The following ERP27 variants were observed in gnomAD, a reference collection of about 807,000 sequenced individuals.
The protein encoded by ERP27 is endoplasmic reticulum resident protein 27.
In ERP27, 23 loss-of-function variants were observed where a neutral mutation model predicts 27.7. That is an observed-to-expected ratio of 0.83 (90% CI 0.60 to 1.18). The LOEUF is 1.18. Among genes scored for constraint, ERP27 ranks in the 50% most tolerant of loss-of-function variants. ERP27 has a pLI of 0.00. For synonymous variants in ERP27, 159 were observed against 118.3 expected (o/e 1.34, Z -2.23); for missense variants, 363 against 327.9 (o/e 1.11, Z -0.83).
chr12:14,929,433 T>C (rs984897259), intron 3 of ERP27, among the ~76,000 whole-genome samples: 6 of 152,166 alleles, frequency 3.9e-5, no homozygotes, highest in Non-Finnish European at 8.8e-5. Context: ...GGAAGCAACA[T>C]TTGAACAGGA....
At chr12:14,929,236 G>C in intron 3 of ERP27, 1 of 917,792 alleles carries the variant, frequency 1.1e-6, no homozygotes, top group Non-Finnish European at 1.5e-6. Flanking sequence ...TGGACTTAAA[G>C]AATGCACTAA....
At chr12:14,922,928 A>G (rs762514659) in intron 3 of ERP27, among the ~76,000 whole-genome samples, 8 of 152,108 alleles carry the variant, frequency 5.3e-5, no homozygotes, top group Non-Finnish European at 8.8e-5. Flanking sequence ...TACAAAAATT[A>G]GCTGGTGGTG....
intron 4 of ERP27, among the ~76,000 whole-genome samples, chr12:14,919,807 G>C (rs1056064832): frequency 4.6e-5 from 7 of 152,206 alleles, no homozygotes; most frequent in African/African-American, 1.7e-4. Flanking sequence ...TTGGCAAAAT[G>C]TGCTAATGCA....
intron 3 of ERP27, chr12:14,929,238 A>C: frequency 8.0e-6 from 7 of 878,198 alleles, no homozygotes; most frequent in African/African-American, 1.7e-5. Context: ...GACTTAAAGA[A>C]TGCACTAAAT....
chr12:14,917,636 G>T (rs566285634), intron 4 of ERP27, among the ~76,000 whole-genome samples: 1 of 152,344 alleles, frequency 6.6e-6, no homozygotes, highest in East Asian at 1.9e-4. Context: ...ACCAGCCCCA[G>T]TGTAGGGCAC....
At chr12:14,932,863 A>G (rs1209821543) in intron 3 of ERP27, among the ~76,000 whole-genome samples, 1 of 152,224 alleles carries the variant, frequency 6.6e-6, no homozygotes, top group Non-Finnish European at 1.5e-5. Flanking sequence ...CCACTTAATA[A>G]AATAGTATCT....
chr12:14,914,675 G>A lies in ERP27; in HGVS notation c.*60C>T. 1 of 1,502,074 alleles carries A rather than the reference G, an allele frequency of 6.7e-7. No individual in the cohort carries two copies. 93.0% of individuals were successfully genotyped at this position (1,502,074 alleles called of 1,614,324 possible). A position where few individuals can be genotyped will look rare whatever the true frequency, so the allele number is the denominator to read the frequency against. Reference sequence around the variant, plus strand: ...GTTGTTTAGTGTCTCTGAGATTTGAGTTGTGCCTTTTTACTTTGCATAAAG... The same window carrying A: ...GTTGTTTAGTGTCTCTGAGATTTGAATTGTGCCTTTTTACTTTGCATAAAG... On this transcript the variant is annotated 3_prime_UTR_variant, in exon 7 of 7. Transcript: ENST00000266397.
intron 2 of ERP27, among the ~76,000 whole-genome samples, chr12:14,937,188 T>G (rs751327632): frequency 2.8e-4 from 42 of 152,322 alleles, no homozygotes; most frequent in Non-Finnish European, 1.9e-4. Context: ...TTGCATCTCA[T>G]TGCAGTGATT....
chr12:14,920,839 T>C (rs1412707510), intron 4 of ERP27, 93 bp downstream of exon 4: 1 of 898,430 alleles, frequency 1.1e-6, no homozygotes, highest in Non-Finnish European at 1.8e-6. Context: ...GTCGAAGAAT[T>C]GGAACTCTGG....
At chr12:14,934,235 A>T (rs1358744196) in intron 3 of ERP27, among the ~76,000 whole-genome samples, 1 of 151,998 alleles carries the variant, frequency 6.6e-6, no homozygotes, top group East Asian at 1.9e-4. Context: ...TCAAGTTTCA[A>T]TTCTGTTGTC....
chr12:14,919,927 A>G (rs1375212451), intron 4 of ERP27, among the ~76,000 whole-genome samples: 1 of 152,154 alleles, frequency 6.6e-6, no homozygotes, highest in Non-Finnish European at 1.5e-5. Context: ...AATGGACACA[A>G]TAATTTCCTC....
rs780823751 is a variant in ERP27, at chr12:14,934,968, A to G, written c.221T>C (p.Ile74Thr). Reference sequence around the variant, plus strand: ...GAATTTTTGCACCATGCTATGGAGTATGGGCACTGCTGGTATTTCTAAATC... The same window carrying G: ...GAATTTTTGCACCATGCTATGGAGTGTGGGCACTGCTGGTATTTCTAAATC... ...FQDLEIPAVP[I>T]LHSMVQKFPG... Residue 74 changes from isoleucine (I) to threonine (T), a missense_variant, in exon 3 of 7, where the codon ATA becomes ACA. By Grantham distance (89) the Ile-to-Thr change is moderately conservative (BLOSUM62 -1). Coordinates refer to ENST00000266397, the MANE Select transcript of ERP27 (RefSeq NM_152321.4). 6.2e-7 allele frequency: 1 copy of G among 1,614,148 alleles called. No individual in the cohort carries two copies. Among genetic ancestry groups the G allele is most frequent in the Non-Finnish European group, 8.5e-7 (1 of 1,180,000 alleles).
At position 14,932,349 on chromosome 12, in the gene ERP27, T is replaced by C. The variant is rs148841446; in HGVS notation, c.333+2507A>G. ...CTGAAGGGTAACATTCCTGAACTGA[T>C]TCACTGGAGTATGAGAAGGAGTCAT... On this transcript the variant is annotated intron_variant, in intron 3 of 6. Coordinates refer to ENST00000266397, the MANE Select transcript of ERP27 (RefSeq NM_152321.4). Among the ~76,000 whole-genome samples, 367 of 152,310 alleles carry C rather than the reference T, an allele frequency of 2.4e-3. 2 individuals carry two copies. Among genetic ancestry groups the C allele is most frequent in the African/African-American group, 7.5e-3 (313 of 41,564 alleles).
In ERP27 at chr12:14,931,208, T is replaced by G. The variant is rs1251493172; in HGVS notation, c.333+3648A>C. ...AATAAAAATTACTTCATCAGATTCTTGTGTGAATTAAATGGTCAAATATTG... is the reference window on the plus strand; with the variant it reads ...AATAAAAATTACTTCATCAGATTCTGGTGTGAATTAAATGGTCAAATATTG... On this transcript the variant is annotated intron_variant, in intron 3 of 6. Transcript: ENST00000266397. Among the ~76,000 whole-genome samples the G allele has an allele frequency of 2.0e-5, 3 of 152,266 alleles. No homozygotes were observed. In the East Asian group the frequency reaches 5.8e-4, roughly 29 times the overall value.
Position 14,915,397 on chromosome 12 carries a change from T to C in ERP27, c.774+92A>G, listed in dbSNP as rs1042993823. Reference sequence around the variant, plus strand: ...TCCATTAACCAACATTTTGCTCTCCTCCCTCTCTGAGCCCAAAGAATTCTT... The same window carrying C: ...TCCATTAACCAACATTTTGCTCTCCCCCCTCTCTGAGCCCAAAGAATTCTT... On this transcript the variant is annotated intron_variant, in intron 6 of 6. Transcript: ENST00000266397. 4.3e-6 allele frequency: 6 copies of C among 1,380,566 alleles called. No homozygotes were observed. In the Admixed American group the frequency reaches 6.0e-5, roughly 14 times the overall value. The allele number at this position is 1,380,566 out of a possible 1,614,324, so 85.5% of individuals were successfully genotyped here.
intron 3 of ERP27, among the ~76,000 whole-genome samples, chr12:14,930,015 G>A (rs1446350089): frequency 6.6e-6 from 1 of 151,692 alleles, no homozygotes; most frequent in Admixed American, 6.6e-5. Context: ...GGGCCTGTAG[G>A]GGGATAGGGG....
intron 3 of ERP27, among the ~76,000 whole-genome samples, chr12:14,933,638 T>C (rs1592279383): frequency 6.6e-6 from 1 of 152,174 alleles, no homozygotes; most frequent in Admixed American, 6.5e-5. Flanking sequence ...AAACTTTTTC[T>C]TTTCCATCAA....
chr12:14,923,296 G>A lies in ERP27; in HGVS notation c.334-2248C>T, dbSNP rs140773128. The stretch of plus-strand genomic sequence containing the variant: ...CAAACTAAAACGCTGGCTCATCTAG[G>A]TCTCCAGCTCACAGGCAGTAGATGG... On this transcript the variant is annotated intron_variant, in intron 3 of 6. Coordinates refer to ENST00000266397, the MANE Select transcript of ERP27 (RefSeq NM_152321.4). Among the ~76,000 whole-genome samples the A allele has an allele frequency of 1.8e-4, 28 of 151,896 alleles. No homozygotes were observed. The East Asian group carries it at 5.4e-3, about 29-fold the overall frequency.
chr12:14,936,265 G>A (rs565122006), intron 2 of ERP27, among the ~76,000 whole-genome samples: 1 of 152,298 alleles, frequency 6.6e-6, no homozygotes, highest in East Asian at 1.9e-4. Context: ...TGCAGGTTAT[G>A]GAAGGACAGT....
Sources: gnomAD v4.1 joint callset for allele counts (sites outside exome capture counted in the v4.1 genomes callset) on GRCh38, gnomAD v4.1.1 for gene constraint, MANE v1.5 for transcripts, NCBI Gene and HGNC (gene_info 2026-07-23, HGNC 2026-07-21) for gene names.